Variants in KCNMA1 observed in about 807,000 individuals in gnomAD.
KCNMA1 encodes the protein Calcium-activated potassium channel subunit alpha-1.
KCNMA1 carries 29 observed loss-of-function variants against 140.0 expected under a neutral mutation model. That is an observed-to-expected ratio of 0.21 (90% CI 0.15 to 0.28). The LOEUF (loss-of-function observed/expected upper bound fraction) is 0.28, where lower values mean the gene tolerates loss of function less well. Among genes scored for constraint, KCNMA1 ranks in the 10% least tolerant of loss-of-function variants. KCNMA1 has a pLI of 1.00. For synonymous variants in KCNMA1, 612 were observed against 611.9 expected (o/e 1.00, Z 0.00); for missense variants, 880 against 1,602.2 (o/e 0.55, Z 7.70).
At chr10:76,872,652 C>T (rs1462419542), downstream of KCNMA1, 1 of 152,128 alleles carries the variant, frequency 6.6e-6, no homozygotes, top group Non-Finnish European at 1.5e-5. Context: ...CATCATGGCC[C>T]ATTAAGTCCC....
At chr10:76,927,526 T>C (rs113648080) in intron 23 of KCNMA1, among the ~76,000 whole-genome samples, 2,791 of 152,164 alleles carry the variant, frequency 0.018, 86 homozygotes, top group African/African-American at 0.064. Context: ...ATTTAAAGAG[T>C]AATTAAAGAA....
At chr10:77,528,430 G>A (rs1331472708) in intron 1 of KCNMA1, among the ~76,000 whole-genome samples, 1 of 151,988 alleles carries the variant, frequency 6.6e-6, no homozygotes, top group Non-Finnish European at 1.5e-5. Context: ...CCAACATGGT[G>A]AAACCCTGTC....
intron 9 of KCNMA1, among the ~76,000 whole-genome samples, chr10:77,102,427 A>G (rs2097121848): frequency 6.6e-6 from 1 of 152,232 alleles, no homozygotes; most frequent in African/African-American, 2.4e-5. Context: ...AGGAGAGTCC[A>G]AATTCTGATA....
At chr10:76,950,461 T>C (rs1221879738) in intron 21 of KCNMA1, among the ~76,000 whole-genome samples, 1 of 152,148 alleles carries the variant, frequency 6.6e-6, no homozygotes, top group Non-Finnish European at 1.5e-5. Flanking sequence ...GAAATACAAA[T>C]GTTTAGTCAC....
intron 1 of KCNMA1, among the ~76,000 whole-genome samples, chr10:77,429,327 G>A (rs2097097943): frequency 6.6e-6 from 1 of 152,130 alleles, no homozygotes; most frequent in Non-Finnish European, 1.5e-5. Flanking sequence ...GTTGTGGGAG[G>A]CTGTCCTGTA....
intron 14 of KCNMA1, among the ~76,000 whole-genome samples, chr10:77,067,139 C>T (rs2095984404): frequency 6.6e-6 from 1 of 152,144 alleles, no homozygotes; most frequent in Non-Finnish European, 1.5e-5. Flanking sequence ...ATGAGATTAA[C>T]ATTTGAATTT....
rs1363609333 is a variant in KCNMA1, at chr10:76,886,890, T to A, written c.*376A>T. 8.9e-7 allele frequency: 1 copy of A among 1,127,408 alleles called. No individual in the cohort carries two copies. Among genetic ancestry groups the A allele is most frequent in the Non-Finnish European group, 1.1e-6 (1 of 913,554 alleles). 69.8% of individuals were successfully genotyped at this position (1,127,408 alleles called of 1,614,324 possible). A position where few individuals can be genotyped will look rare whatever the true frequency, so the allele number is the denominator to read the frequency against. The stretch of plus-strand genomic sequence containing the variant: ...ACCCAAAGCACCCTGATAATCCTGA[T>A]AAATCAGAATCAACTTTTCTTTTAC... On this transcript the variant is annotated 3_prime_UTR_variant, in exon 28 of 28. Transcript: ENST00000286628.
intron 1 of KCNMA1, among the ~76,000 whole-genome samples, chr10:77,545,728 G>C (rs1276146864): frequency 2.0e-5 from 3 of 152,212 alleles, no homozygotes; most frequent in African/African-American, 7.2e-5. Flanking sequence ...CACACAGAGG[G>C]TAGCAAGCCT....
chr10:77,550,643 C>CCG (rs1417762497), intron 1 of KCNMA1, among the ~76,000 whole-genome samples: 7 of 152,310 alleles, frequency 4.6e-5, no homozygotes, highest in African/African-American at 1.2e-4. Context: ...GGGAACCAGG[C>CCG]CGCGTCTGGG....
At chr10:77,552,358 T>C (rs1017471680) in intron 1 of KCNMA1, among the ~76,000 whole-genome samples, 11 of 152,198 alleles carry the variant, frequency 7.2e-5, no homozygotes, top group Non-Finnish European at 1.3e-4. Flanking sequence ...TAAGATTACT[T>C]CATCCTCTGG....
chr10:77,321,523 G>T (rs563976688), intron 2 of KCNMA1, among the ~76,000 whole-genome samples: 1 of 152,288 alleles, frequency 6.6e-6, no homozygotes, highest in East Asian at 1.9e-4. Context: ...TTCTCAGCTT[G>T]CTTTGTCCCA....
chr10:77,623,814 G>T (rs1204008028), intron 1 of KCNMA1, among the ~76,000 whole-genome samples: 1 of 152,110 alleles, frequency 6.6e-6, no homozygotes, highest in Non-Finnish European at 1.5e-5. Flanking sequence ...TGCCTGGATT[G>T]CAGCAAGTCC....
chr10:77,054,573 T>G (rs1484848976), intron 14 of KCNMA1, among the ~76,000 whole-genome samples: 1 of 152,150 alleles, frequency 6.6e-6, no homozygotes, highest in East Asian at 1.9e-4. Flanking sequence ...TTCATAGATA[T>G]TAATTAGTTA....
chr10:77,399,398 A>C (rs1204461641), intron 2 of KCNMA1, among the ~76,000 whole-genome samples: 1 of 152,264 alleles, frequency 6.6e-6, no homozygotes, highest in Non-Finnish European at 1.5e-5. Flanking sequence ...TTTTAAAAAA[A>C]GCAAACATAT....
chr10:77,068,663 G>A (rs140765340), intron 14 of KCNMA1, among the ~76,000 whole-genome samples: 24 of 149,688 alleles, frequency 1.6e-4, no homozygotes, highest in African/African-American at 5.9e-4. Flanking sequence ...ATTCAACAAA[G>A]AAATAATCAT....
chr10:77,370,672 G>C (rs531350490), intron 2 of KCNMA1, among the ~76,000 whole-genome samples: 1 of 152,328 alleles, frequency 6.6e-6, no homozygotes, highest in Non-Finnish European at 1.5e-5. Context: ...TTGCTCCTCT[G>C]TGGTAGATGA....
chr10:77,527,864 G>A (rs1387455736), intron 1 of KCNMA1, among the ~76,000 whole-genome samples: 1 of 152,020 alleles, frequency 6.6e-6, no homozygotes, highest in Non-Finnish European at 1.5e-5. Flanking sequence ...TCCATGCTGT[G>A]CGCACAGCCT....
At chr10:76,927,764 AG>A in intron 23 of KCNMA1, among the ~76,000 whole-genome samples, 1 of 152,298 alleles carries the variant, frequency 6.6e-6, no homozygotes, top group East Asian at 1.9e-4. Context: ...TAAAAAGGAA[AG>A]GGTCAGGTAA....
intron 1 of KCNMA1, chr10:77,636,272 T>C: frequency 2.1e-6 from 3 of 1,448,822 alleles, no homozygotes; most frequent in African/African-American, 2.8e-5. Flanking sequence ...CCAGTGGCTG[T>C]GGGGAAGGGA....
Sources: allele counts gnomAD v4.1 joint callset (sites outside exome capture counted in the v4.1 genomes callset), GRCh38; gene constraint gnomAD v4.1.1; transcripts MANE v1.5; gene names NCBI Gene and HGNC (gene_info 2026-07-23, HGNC 2026-07-21).